Variants in PHTF1 observed in about 807,000 individuals in gnomAD.
The protein encoded by PHTF1 is putative homeodomain transcription factor 1.
PHTF1 carries 88 observed loss-of-function variants against 102.4 expected under a neutral mutation model. The observed-to-expected ratio is 0.86, with a 90% CI of 0.72 to 1.03. PHTF1 has a LOEUF of 1.03. PHTF1 is among the 50% of genes least tolerant of loss of function. The pLI is 0.00. For synonymous variants in PHTF1, 289 were observed against 305.2 expected, an observed-to-expected ratio of 0.95 and a Z score of 0.55; for missense variants, 814 against 909.5, an observed-to-expected ratio of 0.89 and a Z score of 1.35.
intron 3 of PHTF1, among the ~76,000 whole-genome samples, chr1:113,741,701 T>G (rs911435418): frequency 6.6e-6 from 1 of 152,164 alleles, no homozygotes; most frequent in Non-Finnish European, 1.5e-5. Flanking sequence ...TCGACAAGTA[T>G]CTTCTATATG....
chr1:113,715,676 A>AAAAAAAAAAAAAAC (rs1651889674), intron 7 of PHTF1, among the ~76,000 whole-genome samples: 1 of 137,192 alleles, frequency 7.3e-6, no homozygotes, highest in Non-Finnish European at 1.6e-5. Flanking sequence ...AAAAAAAAAA[A>AAAAAAAAAAAAAAC]AAAAGCTATT....
At chr1:113,707,509 C>CT (rs1228671071) in intron 11 of PHTF1, among the ~76,000 whole-genome samples, 1 of 152,150 alleles carries the variant, frequency 6.6e-6, no homozygotes, top group Non-Finnish European at 1.5e-5. Flanking sequence ...TTATATGGTG[C>CT]TTTTATGTTG....
chr1:113,722,219 A>C (rs545377783), intron 7 of PHTF1, among the ~76,000 whole-genome samples: 1 of 152,020 alleles, frequency 6.6e-6, no homozygotes, highest in African/African-American at 2.4e-5. Flanking sequence ...TGGGAAACCA[A>C]GACGGGCGGA....
At chr1:113,758,607 C>A (rs573584363) in intron 2 of PHTF1, 52 bp downstream of exon 2, 2 of 1,100,538 alleles carry the variant, frequency 1.8e-6, no homozygotes, top group African/African-American at 1.6e-5. Flanking sequence ...TTTGTGGGAG[C>A]TTTTTGCAGG....
In PHTF1 at chr1:113,704,734, T is replaced by C. The variant is rs1032037546; in HGVS notation, c.1735A>G (p.Ile579Val). ...TSARKARKYE[I>V]PHFRLKKVEN... ...ACCTTCTTAAGTCTGAAATGAGGTATTTCATATTTCCTAGCTTTCCTGGCA... is the reference window on the plus strand; with the variant it reads ...ACCTTCTTAAGTCTGAAATGAGGTACTTCATATTTCCTAGCTTTCCTGGCA... Residue 579 changes from isoleucine (I) to valine (V), a missense_variant, in exon 14 of 19, where the codon ATA becomes GTA. Transcript: ENST00000369604. 6 of 1,585,594 alleles carry C rather than the reference T, an allele frequency of 3.8e-6. No individual in the cohort carries two copies. Among genetic ancestry groups the C allele is most frequent in the Non-Finnish European group, 5.2e-6 (6 of 1,154,684 alleles).
At chr1:113,754,320 A>G (rs1224821107) in intron 3 of PHTF1, among the ~76,000 whole-genome samples, 1 of 151,914 alleles carries the variant, frequency 6.6e-6, no homozygotes, top group Non-Finnish European at 1.5e-5. Context: ...CTAAGGTGGG[A>G]GAATCACTTG....
At chr1:113,710,780 C>T (rs1650960292) in intron 10 of PHTF1, among the ~76,000 whole-genome samples, 1 of 144,088 alleles carries the variant, frequency 6.9e-6, no homozygotes, top group Non-Finnish European at 1.5e-5. Context: ...AGGTGCATAC[C>T]ATCACACCCG....
chr1:113,720,764 G>T (rs1652800200), intron 7 of PHTF1, among the ~76,000 whole-genome samples: 1 of 152,190 alleles, frequency 6.6e-6, no homozygotes, highest in Non-Finnish European at 1.5e-5. Flanking sequence ...AGAACTCTAT[G>T]TGCGGGTGCC....
chr1:113,732,060 G>A (rs2101536575), intron 5 of PHTF1, among the ~76,000 whole-genome samples: 1 of 152,226 alleles, frequency 6.6e-6, no homozygotes, highest in East Asian at 1.9e-4. Flanking sequence ...TGGGGAAAGG[G>A]GATAATCAGA....
At chr1:113,717,129 G>T (rs577021140) in intron 7 of PHTF1, among the ~76,000 whole-genome samples, 64 of 152,110 alleles carry the variant, frequency 4.2e-4, no homozygotes, top group Non-Finnish European at 8.4e-4. Flanking sequence ...TTGTTTGCTT[G>T]TTTATGCAAT....
intron 3 of PHTF1, chr1:113,746,804 T>A (rs1233910327): frequency 2.8e-6 from 2 of 707,208 alleles, no homozygotes; most frequent in African/African-American, 3.8e-5. Flanking sequence ...ACTAAAATAA[T>A]ACTCATATTA....
rs145060491 is a variant in PHTF1 at position 113,753,037 on chromosome 1, G to C, written c.102+4662C>G. Among the ~76,000 whole-genome samples, 901 of 152,286 alleles carry C rather than the reference G, an allele frequency of 5.9e-3. 11 individuals carry two copies. Among genetic ancestry groups the C allele is most frequent in the African/African-American group, 0.02 (847 of 41,558 alleles). On this transcript the variant is annotated intron_variant, in intron 3 of 18. Transcript: ENST00000369604. The stretch of plus-strand genomic sequence containing the variant: ...ATGCTCTTTCTGTATTTACTGAGAA[G>C]ATCATATGATTGTCCTTTATCCTAT...
chr1:113,742,334 A>G, intron 3 of PHTF1, among the ~76,000 whole-genome samples: 1 of 152,178 alleles, frequency 6.6e-6, no homozygotes, highest in East Asian at 1.9e-4. Flanking sequence ...ATATGGTATA[A>G]AAAATGGGGC....
chr1:113,742,014 C>T (rs962921505), intron 3 of PHTF1, among the ~76,000 whole-genome samples: 3 of 152,092 alleles, frequency 2.0e-5, no homozygotes, highest in African/African-American at 7.2e-5. Flanking sequence ...TATCTTCCAC[C>T]GTGCATGTAT....
At chr1:113,727,627 G>C (rs1251765802) in intron 5 of PHTF1, among the ~76,000 whole-genome samples, 3 of 152,136 alleles carry the variant, frequency 2.0e-5, no homozygotes, top group African/African-American at 7.2e-5. Flanking sequence ...ATGTAATTTT[G>C]ATCACATCTA....
intron 11 of PHTF1, among the ~76,000 whole-genome samples, chr1:113,708,978 A>G (rs1425734531): frequency 6.6e-6 from 1 of 152,202 alleles, no homozygotes; most frequent in African/African-American, 2.4e-5. Flanking sequence ...AATGAGAGCC[A>G]GGTATGGTGA....
At chr1:113,714,395 C>T (rs1372480122) in intron 7 of PHTF1, 1 of 151,916 alleles carries the variant, frequency 6.6e-6, no homozygotes, top group Non-Finnish European at 1.5e-5. Flanking sequence ...CAGAGGGGAG[C>T]CCGTTGCCCT....
At chr1:113,712,179 A>G in intron 8 of PHTF1, 66 bp from the exon 9 acceptor site, 1 of 1,285,386 alleles carries the variant, frequency 7.8e-7, no homozygotes, top group Non-Finnish European at 1.1e-6. Flanking sequence ...CTGCATGTGT[A>G]AAAACAAAAA....
At chr1:113,725,804 A>G (rs1271464711) in intron 6 of PHTF1, 1 of 152,760 alleles carries the variant, frequency 6.5e-6, no homozygotes, top group African/African-American at 2.4e-5. Flanking sequence ...TCTCTACTAA[A>G]TTCAAAAAAA....
Sources: gnomAD v4.1 joint callset for allele counts (sites outside exome capture counted in the v4.1 genomes callset) on GRCh38, gnomAD v4.1.1 for gene constraint, MANE v1.5 for transcripts, NCBI Gene and HGNC (gene_info 2026-07-23, HGNC 2026-07-21) for gene names.